The following VAT1L variants were observed in gnomAD, a reference collection of about 807,000 sequenced individuals.
VAT1L encodes the protein putative NADPH-dependent quinone oxidoreductase VAT1L.
Under a neutral mutation model 44.1 loss-of-function variants are expected in VAT1L, and 34 were observed. The observed-to-expected ratio is 0.77, with a 90% CI of 0.59 to 1.03. The LOEUF (loss-of-function observed/expected upper bound fraction) is 1.03. VAT1L is among the 50% of genes least tolerant of loss of function. The pLI is 0.00. For synonymous variants in VAT1L, 253 were observed against 202.2 expected, an observed-to-expected ratio of 1.25 and a Z score of -2.13; for missense variants, 615 against 538.8, an observed-to-expected ratio of 1.14 and a Z score of -1.40.
At chr16:77,949,083 G>A (rs960261414) in intron 7 of VAT1L, among the ~76,000 whole-genome samples, 5 of 152,134 alleles carry the variant, frequency 3.3e-5, no homozygotes, top group Admixed American at 1.3e-4. Flanking sequence ...GCAGGATGGG[G>A]GCAGATTGGA....
chr16:77,924,126 T>TC (rs1203005236), intron 7 of VAT1L, among the ~76,000 whole-genome samples: 2 of 152,088 alleles, frequency 1.3e-5, no homozygotes, highest in Non-Finnish European at 2.9e-5. Flanking sequence ...TCAGCTGGCA[T>TC]CCCCCTTTCT....
intron 2 of VAT1L, among the ~76,000 whole-genome samples, chr16:77,819,864 G>T (rs1382643122): frequency 6.6e-6 from 1 of 152,166 alleles, no homozygotes; most frequent in Non-Finnish European, 1.5e-5. Context: ...AATTCCATCA[G>T]GTCAGGAACC....
chr16:77,823,678 G>A (rs1476173823), intron 2 of VAT1L, among the ~76,000 whole-genome samples: 1 of 152,144 alleles, frequency 6.6e-6, no homozygotes, highest in African/African-American at 2.4e-5. Context: ...AGTACATTAT[G>A]ATTGTTTAGC....
rs776408898 is a variant in VAT1L at position 77,950,337 on chromosome 16, A to T, written c.1078-21513A>T. Among the ~76,000 whole-genome samples the T allele has an allele frequency of 1.7e-4, 26 of 151,694 alleles. 1 individual carries two copies. The highest frequency in any genetic ancestry group is 5.9e-4 in the Admixed American group (9 of 15,224). ...CACAGAAAAATCGCTTAAACCTGCA[A>T]GGCAGAGGTTGCAGTGAGCTGAGAG... On this transcript the variant is annotated intron_variant, in intron 7 of 8. Transcript: ENST00000302536.
At chr16:77,948,610 C>T (rs2018001011) in intron 7 of VAT1L, among the ~76,000 whole-genome samples, 1 of 152,080 alleles carries the variant, frequency 6.6e-6, no homozygotes, top group Non-Finnish European at 1.5e-5. Flanking sequence ...TCCCTGTTAC[C>T]CGGTTTCCAC....
chr16:77,822,623 G>C (rs756126497), intron 2 of VAT1L, among the ~76,000 whole-genome samples: 1 of 152,146 alleles, frequency 6.6e-6, no homozygotes, highest in Non-Finnish European at 1.5e-5. Context: ...CAGCAGTCCT[G>C]GGAGGATTCA....
chr16:77,868,130 TAAAC>T (rs2016994513), intron 4 of VAT1L, among the ~76,000 whole-genome samples: 1 of 152,152 alleles, frequency 6.6e-6, no homozygotes, highest in Admixed American at 6.5e-5. Context: ...TTGGGCAAAA[TAAAC>T]TAACACAAAG....
chr16:77,798,708 G>T (rs2015985057), intron 1 of VAT1L, among the ~76,000 whole-genome samples: 1 of 152,156 alleles, frequency 6.6e-6, no homozygotes, highest in Non-Finnish European at 1.5e-5. Context: ...GACATCAAAA[G>T]TAGCTCAAAC....
At chr16:77,821,229 C>T (rs537112891) in intron 2 of VAT1L, among the ~76,000 whole-genome samples, 80 of 151,566 alleles carry the variant, frequency 5.3e-4, no homozygotes, top group African/African-American at 1.6e-3. Context: ...AAGGATAAGT[C>T]AATATAATGG....
intron 7 of VAT1L, among the ~76,000 whole-genome samples, chr16:77,920,925 G>A (rs901975974): frequency 2.0e-5 from 2 of 100,172 alleles, no homozygotes; most frequent in African/African-American, 7.0e-5. Context: ...GGTGTCATAT[G>A]ACTGTGTGTG....
At chr16:77,818,592 G>C (rs999569020) in intron 2 of VAT1L, among the ~76,000 whole-genome samples, 6 of 152,148 alleles carry the variant, frequency 3.9e-5, no homozygotes, top group African/African-American at 1.4e-4. Context: ...AGTTATTTTA[G>C]AATATAACAG....
At chr16:77,855,462 G>C (rs113075463) in intron 3 of VAT1L, among the ~76,000 whole-genome samples, 1 of 151,564 alleles carries the variant, frequency 6.6e-6, no homozygotes, top group Non-Finnish European at 1.5e-5. Flanking sequence ...TATCTCCCCC[G>C]ACATGCCCAC....
chr16:77,808,498 T>A (rs1394614125), intron 1 of VAT1L, among the ~76,000 whole-genome samples: 3 of 152,200 alleles, frequency 2.0e-5, no homozygotes, highest in South Asian at 4.2e-4. Context: ...GGAAAAAAAA[T>A]GTCTTCCATT....
chr16:77,908,697 C>G (rs777185442), intron 7 of VAT1L, among the ~76,000 whole-genome samples: 7 of 152,010 alleles, frequency 4.6e-5, no homozygotes, highest in African/African-American at 9.7e-5. Context: ...GGGCAGATCA[C>G]AAGGTCAGGC....
At chr16:77,832,613 A>G (rs913164536) in intron 3 of VAT1L, among the ~76,000 whole-genome samples, 7 of 152,254 alleles carry the variant, frequency 4.6e-5, no homozygotes, top group African/African-American at 1.7e-4. Context: ...GGGCTGGACC[A>G]TAGACCTTGG....
At chr16:77,936,901 T>G (rs1404333392) in intron 7 of VAT1L, among the ~76,000 whole-genome samples, 1 of 148,758 alleles carries the variant, frequency 6.7e-6, no homozygotes, top group African/African-American at 2.4e-5. Context: ...TTTGTTTGTT[T>G]TTGAGACGGA....
Position 77,961,275 on chromosome 16 carries a change from C to T in VAT1L, c.1078-10575C>T, listed in dbSNP as rs113759368. On this transcript the variant is annotated intron_variant, in intron 7 of 8. Transcript: ENST00000302536. The stretch of plus-strand genomic sequence containing the variant: ...ACCAAGGGGGCTTCTCCTTGGTGCA[C>T]GGTGATCTAGCTCCTGCCCACTCCG... Among the ~76,000 whole-genome samples the T allele has an allele frequency of 9.6e-3, 1,461 of 152,186 alleles. 9 individuals carry two copies. The highest frequency in any genetic ancestry group is 0.015 in the Non-Finnish European group (1,048 of 68,006).
intron 7 of VAT1L, among the ~76,000 whole-genome samples, chr16:77,926,620 G>A (rs914595546): frequency 4.6e-5 from 7 of 152,070 alleles, no homozygotes; most frequent in South Asian, 2.1e-4. Context: ...TAAAAGATAC[G>A]GTGGTTGATT....
chr16:77,882,372 T>C (rs1338133370), intron 6 of VAT1L: 1 of 152,240 alleles, frequency 6.6e-6, no homozygotes, highest in African/African-American at 2.4e-5. Flanking sequence ...TAGAAGAAGT[T>C]AACATTTACA....
Sources: gnomAD v4.1 joint callset for allele counts (sites outside exome capture counted in the v4.1 genomes callset) on GRCh38, gnomAD v4.1.1 for gene constraint, MANE v1.5 for transcripts, NCBI Gene and HGNC (gene_info 2026-07-23, HGNC 2026-07-21) for gene names.